HERC1: variants seen among roughly 807,000 people sequenced by gnomAD.
HERC1 encodes the protein HECT and RLD domain containing E3 ubiquitin protein ligase family member 1, also known as probable E3 ubiquitin-protein ligase HERC1.
Under a neutral mutation model 554.3 loss-of-function variants are expected in HERC1, and 160 were observed. The observed-to-expected ratio is 0.29, with a 90% confidence interval of 0.25 to 0.33. The LOEUF (loss-of-function observed/expected upper bound fraction) is 0.33. Ranked by LOEUF, HERC1 falls within the 10% of genes least tolerant of loss-of-function variation. HERC1 has a pLI of 1.00. For missense variants in HERC1, 4,919 were observed against 5,918.5 expected (o/e 0.83, Z 5.54); for synonymous variants, 2,175 against 2,131.7 (o/e 1.02, Z -0.56).
chr15:63,608,790 C>T lies in HERC1; in HGVS notation c.*291G>A. On this transcript the variant is annotated 3_prime_UTR_variant, in exon 78 of 78. Coordinates refer to ENST00000443617, the MANE Select transcript of HERC1 (RefSeq NM_003922.4). The stretch of plus-strand genomic sequence containing the variant: ...GTGGATTTACAAAAATGTACCATTC[C>T]CAACTAAAAATGCACCAAAATGGTT... The T allele has an allele frequency of 4.0e-6, 1 of 248,632 alleles. No homozygotes were observed. The highest frequency in any genetic ancestry group is 7.7e-6 in the Non-Finnish European group (1 of 129,348). 15.4% of individuals were successfully genotyped at this position (248,632 alleles called of 1,614,324 possible).
At position 63,718,933 on chromosome 15, in the gene HERC1, G is replaced by A; in HGVS notation, c.3743-36C>T. The stretch of plus-strand genomic sequence containing the variant: ...AAATGATGCATTGACATTTAAAAGG[G>A]CTCAGAAAACAGTTCAGAGGTAATT... On this transcript the variant is annotated intron_variant, in intron 19 of 77. Transcript: ENST00000443617. This position sits in a 1 kb window ranked among gnomAD's most constrained non-coding sequence, Gnocchi z 4.2. 6.9e-7 allele frequency: 1 copy of A among 1,449,126 alleles called. No homozygotes were observed. The allele number at this position is 1,449,126 out of a possible 1,614,324, so 89.8% of individuals were successfully genotyped here. A position where few individuals can be genotyped will look rare whatever the true frequency, so the allele number is the denominator to read the frequency against.
chr15:63,673,952 T>C lies in HERC1; in HGVS notation c.7846+390A>G, dbSNP rs562940659. ...GTTGGCCAGGCTGGTCTAGAACTCCTGGCCTCAAGTGATCTGCCCACCTCG... is the reference window on the plus strand; with the variant it reads ...GTTGGCCAGGCTGGTCTAGAACTCCCGGCCTCAAGTGATCTGCCCACCTCG... On this transcript the variant is annotated intron_variant, in intron 38 of 77. Coordinates refer to ENST00000443617, the MANE Select transcript of HERC1 (RefSeq NM_003922.4). 5.9e-5 allele frequency among the ~76,000 whole-genome samples: 9 copies of C among 152,330 alleles called. No individual in the cohort carries two copies. In the South Asian group the frequency reaches 1.9e-3, roughly 32 times the overall value.
rs1011526606 is a variant in HERC1, at chr15:63,674,398, T to C, written c.7790A>G (p.Tyr2597Cys). 7 of 1,613,788 alleles carry C rather than the reference T, an allele frequency of 4.3e-6. 1 individual carries two copies. Among genetic ancestry groups the C allele is most frequent in the Non-Finnish European group, 3.4e-6 (4 of 1,179,852 alleles). ...ADLERAQAMI[Y>C]KLVVHGLLED... ...CAAAAGCCCATGAACCACTAATTTA[T>C]AGATCATGGCTTGCGCTCGTTCCAG... Residue 2597 changes from tyrosine to cysteine, a missense_variant, in exon 38 of 78, where the codon TAT (tyrosine) becomes TGT (cysteine). This residue lies in a region of HERC1 where 1,963 missense variants were observed against 2,228.6 expected (regional missense o/e 0.88). Transcript: ENST00000443617.
intron 1 of HERC1, among the ~76,000 whole-genome samples, chr15:63,801,347 G>A (rs1398103631): frequency 1.3e-5 from 2 of 152,312 alleles, no homozygotes; most frequent in Middle Eastern, 3.4e-3. Context: ...GAGTAGTCTT[G>A]TGGGACTGAG....
chr15:63,771,946 G>A (rs748199286), intron 2 of HERC1, among the ~76,000 whole-genome samples: 11 of 151,944 alleles, frequency 7.2e-5, no homozygotes, highest in Admixed American at 3.3e-4. Context: ...TGGAAACCCC[G>A]TCTCTACTAA....
chr15:63,826,973 C>A (rs2077959872), intron 1 of HERC1, among the ~76,000 whole-genome samples: 1 of 151,304 alleles, frequency 6.6e-6, no homozygotes, highest in African/African-American at 2.4e-5. Flanking sequence ...ACTTTTGAAC[C>A]AGCAATCACA....
At chr15:63,623,512 C>T (rs1486144287) in intron 73 of HERC1, among the ~76,000 whole-genome samples, 1 of 152,194 alleles carries the variant, frequency 6.6e-6, no homozygotes, top group Admixed American at 6.5e-5. Flanking sequence ...TGCCTAAGAA[C>T]TGATATTTAT....
Position 63,664,598 on chromosome 15 carries a change from C to T in HERC1, c.8556-4G>A. The T allele has an allele frequency of 6.2e-7, 1 of 1,610,580 alleles. No individual in the cohort carries two copies. Among genetic ancestry groups the T allele is most frequent in the Non-Finnish European group, 8.5e-7 (1 of 1,177,770 alleles). On this transcript the variant is annotated splice_polypyrimidine_tract_variant and splice_region_variant and intron_variant, in intron 42 of 77. Coordinates refer to ENST00000443617, the MANE Select transcript of HERC1 (RefSeq NM_003922.4). ...TGTATGATCCAAATTATCAGGGCTA[C>T]AAGTGCAAGTGAGAAAGCAACACAA...
chr15:63,799,204 CA>C (rs202204675), intron 1 of HERC1, among the ~76,000 whole-genome samples: 2,045 of 152,192 alleles, frequency 0.013, 23 homozygotes, highest in East Asian at 0.027. Context: ...AAGGCTTTAA[CA>C]AAAAGTAGCT....
At chr15:63,645,834 A>G (rs2069309591) in intron 55 of HERC1, among the ~76,000 whole-genome samples, 152 bp from the exon 56 acceptor site, 1 of 152,242 alleles carries the variant, frequency 6.6e-6, no homozygotes, top group South Asian at 2.1e-4. Context: ...AGATACTGCC[A>G]TATCATTCCC....
rs780715048 is a variant in HERC1, at chr15:63,764,176, G to T, written c.946C>A (p.Arg316=). 6.2e-7 allele frequency: 1 copy of T among 1,607,914 alleles called. No homozygotes were observed. The highest frequency in any genetic ancestry group is 1.1e-5 in the South Asian group (1 of 89,978). Residue 316 remains arginine, a synonymous_variant, in exon 3 of 78, where the codon CGG becomes AGG. Coordinates refer to ENST00000443617, the MANE Select transcript of HERC1 (RefSeq NM_003922.4). ...CTGGTTGGTTCTCTCCACTGACTCC[G>T]ATCAGCAGATGAACCCTATAATTAA... is the stretch of plus-strand genomic sequence containing the variant. ...MRRSLGSSAD[R]SQWREPTRTS... is the part of the protein sequence containing the mutation.
intron 1 of HERC1, among the ~76,000 whole-genome samples, chr15:63,816,565 C>CT (rs1437853902): frequency 1.3e-5 from 2 of 152,328 alleles, no homozygotes; most frequent in African/African-American, 4.8e-5. Context: ...GCTCCATACT[C>CT]TAAGTCACAA....
chr15:63,632,676 G>A, intron 68 of HERC1, 33 bp downstream of exon 68: 1 of 1,344,520 alleles, frequency 7.4e-7, no homozygotes, highest in Non-Finnish European at 1.0e-6. Context: ...ATAATGATGT[G>A]TACCCAAGCA....
chr15:63,817,310 GATA>G (rs970325725), intron 1 of HERC1, among the ~76,000 whole-genome samples: 22 of 152,056 alleles, frequency 1.4e-4, no homozygotes, highest in Admixed American at 7.9e-4. Context: ...TTTTTGGTAT[GATA>G]ATGTTATTAT....
intron 74 of HERC1, among the ~76,000 whole-genome samples, chr15:63,618,740 T>C (rs2067935723): frequency 6.6e-6 from 1 of 152,184 alleles, no homozygotes; most frequent in African/African-American, 2.4e-5. Flanking sequence ...GTTGGATTCC[T>C]ATTTTATTCT....
chr15:63,719,848 C>T (rs2073733315), intron 19 of HERC1, among the ~76,000 whole-genome samples: 1 of 151,984 alleles, frequency 6.6e-6, no homozygotes, highest in African/African-American at 2.4e-5. Context: ...TGAACAGTTT[C>T]GAGGGTAGGG....
At chr15:63,666,512 T>C (rs755591739) in intron 40 of HERC1, 40 bp from the exon 41 acceptor site, 1 of 1,273,888 alleles carries the variant, frequency 7.8e-7, no homozygotes, top group Non-Finnish European at 1.1e-6. Context: ...TAAATATCAC[T>C]AGATACCGTG....
Position 63,756,626 on chromosome 15 carries a change from C to T in HERC1, c.1344G>A (p.Lys448=), listed in dbSNP as rs992085431. Residue 448 remains lysine (K), a synonymous_variant, in exon 5 of 78, where the codon AAG becomes AAA. Coordinates refer to ENST00000443617, the MANE Select transcript of HERC1 (RefSeq NM_003922.4). The surrounding 1 kb of genome is among the most constrained non-coding windows in gnomAD (Gnocchi z 5.0). ...TGGATCTGTGAGGCTCGAATGTTAACTTTTTTAAAGTTGACTGATTATTGG... is the reference window on the plus strand; with the variant it reads ...TGGATCTGTGAGGCTCGAATGTTAATTTTTTTAAAGTTGACTGATTATTGG... ...GDSNNQSTLK[K]LTFEPHRSIK... is the part of the protein sequence containing the mutation. The T allele has an allele frequency of 6.2e-7, 1 of 1,613,510 alleles. No homozygotes were observed. Among genetic ancestry groups the T allele is most frequent in the Non-Finnish European group, 8.5e-7 (1 of 1,179,724 alleles).
chr15:63,673,473 T>C (rs922579067), intron 38 of HERC1, among the ~76,000 whole-genome samples: 6 of 152,170 alleles, frequency 3.9e-5, no homozygotes, highest in African/African-American at 1.2e-4. Flanking sequence ...ATAAACTCCA[T>C]GAAGGCAAGG....
Sources: gnomAD v4.1 joint callset for allele counts (sites outside exome capture counted in the v4.1 genomes callset) on GRCh38, gnomAD v4.1.1 for gene constraint, gnomAD v4.1.1 regional missense constraint, Gnocchi (gnomAD v3.1) non-coding constraint, MANE v1.5 for transcripts, NCBI Gene and HGNC (gene_info 2026-07-23, HGNC 2026-07-21) for gene names.